Variants in ANK2 observed in about 807,000 individuals in gnomAD.
The protein encoded by ANK2 is ankyrin 2.
In ANK2, 83 loss-of-function variants were observed where a neutral mutation model predicts 360.5. The observed-to-expected ratio is 0.23, with a 90% confidence interval of 0.19 to 0.28. The LOEUF is 0.28. Among genes scored for constraint, ANK2 ranks in the 10% least tolerant of loss-of-function variants. The probability of loss-of-function intolerance (pLI) is 1.00; values close to 1 mark genes in which losing one functional copy is unlikely to be tolerated. For missense variants in ANK2, 4,201 were observed against 4,795.7 expected (o/e 0.88, Z 3.66); for synonymous variants, 1,740 against 1,759.5 (o/e 0.99, Z 0.28).
chr4:112,766,798 A>G, the ANK2 span, among the ~76,000 whole-genome samples: 1 of 152,200 alleles, frequency 6.6e-6, no homozygotes, highest in Non-Finnish European at 1.5e-5. Context: ...TTGGTGGGTC[A>G]GGCTGGATTG....
intron 1 of ANK2, among the ~76,000 whole-genome samples, chr4:112,877,184 C>T (rs2075361203): frequency 6.6e-6 from 1 of 152,192 alleles, no homozygotes; most frequent in South Asian, 2.1e-4. Context: ...TTTCCTCTCC[C>T]TTCTGTATTT....
chr4:113,145,737 G>C lies in ANK2; in HGVS notation c.85-28679G>C, dbSNP rs759604102. The C allele has an allele frequency of 1.5e-5, 17 of 1,167,972 alleles. No homozygotes were observed. The African/African-American group carries it at 2.1e-4, about 14-fold the overall frequency. The allele number at this position is 1,167,972 out of a possible 1,614,324, so 72.4% of individuals were successfully genotyped here. A position where few individuals can be genotyped will look rare whatever the true frequency, so the allele number is the denominator to read the frequency against. On this transcript the variant is annotated intron_variant, in intron 1 of 45. Coordinates refer to ENST00000357077, the MANE Select transcript of ANK2 (RefSeq NM_001148.6). ...CAGATGGGGAGAACTGGTGAGGGGC[G>C]TGGAAGGGAACTGAGCAGAGGAGCC...
chr4:112,953,827 A>G (rs966624524), intron 2 of ANK2, among the ~76,000 whole-genome samples: 2 of 152,170 alleles, frequency 1.3e-5, no homozygotes, highest in Non-Finnish European at 2.9e-5. Context: ...GTGAAAATAA[A>G]CAAACCAGTC....
At chr4:113,255,692 G>C in intron 10 of ANK2, 43 bp from the exon 11 acceptor site, 1 of 1,229,158 alleles carries the variant, frequency 8.1e-7, no homozygotes, top group Non-Finnish European at 1.1e-6. Context: ...TGAAAATAAT[G>C]AAAAAAAAAA....
rs574670587 is a variant in ANK2, at chr4:113,005,780, G to C, written c.21+101266G>C. 1.1e-4 allele frequency among the ~76,000 whole-genome samples: 16 copies of C among 152,274 alleles called. No individual in the cohort carries two copies. The South Asian group carries it at 3.3e-3, about 32-fold the overall frequency. ...TAGTGGGAGGCATTTGGGTCGTGGTGGTGGATCTCTCATGAATGTCTTGGT... is the reference window on the plus strand; with the variant it reads ...TAGTGGGAGGCATTTGGGTCGTGGTCGTGGATCTCTCATGAATGTCTTGGT... On this transcript the variant is annotated intron_variant, in intron 2 of 30. Coordinates refer to the ANK2 transcript ENST00000503271.
intron 23 of ANK2, among the ~76,000 whole-genome samples, chr4:113,304,930 A>G (rs2076518070): frequency 6.6e-6 from 1 of 152,218 alleles, no homozygotes; most frequent in Non-Finnish European, 1.5e-5. Context: ...AATCAGATAA[A>G]TTGAATAGTG....
At chr4:113,177,027 T>A (rs1562641799) in intron 2 of ANK2, among the ~76,000 whole-genome samples, 1 of 152,170 alleles carries the variant, frequency 6.6e-6, no homozygotes, top group Admixed American at 6.5e-5. Context: ...ATCCAGTCTA[T>A]CATTGATGGA....
intron 2 of ANK2, among the ~76,000 whole-genome samples, chr4:112,959,038 C>T (rs192017588): frequency 9.9e-4 from 151 of 151,924 alleles, no homozygotes; most frequent in Middle Eastern, 6.8e-3. Flanking sequence ...TTAGTAGAGG[C>T]GGGGTTTCAC....
the ANK2 span, among the ~76,000 whole-genome samples, chr4:112,732,685 T>A: frequency 3.3e-5 from 5 of 152,324 alleles, no homozygotes; most frequent in East Asian, 9.7e-4. Flanking sequence ...AATTGAGTGT[T>A]GGGACGCACT....
At chr4:112,758,377 C>G in the ANK2 span, among the ~76,000 whole-genome samples, 1 of 151,982 alleles carries the variant, frequency 6.6e-6, no homozygotes, top group African/African-American at 2.4e-5. Flanking sequence ...ATGAGCATAG[C>G]TATTCTCTTA....
At chr4:113,348,346 C>G in intron 36 of ANK2, 38 bp downstream of exon 36, 1 of 1,603,404 alleles carries the variant, frequency 6.2e-7, no homozygotes, top group Non-Finnish European at 8.5e-7. Context: ...TCGGCTGTGT[C>G]ATTGCTGTAA....
At chr4:113,196,992 T>G (rs2153393795) in intron 3 of ANK2, among the ~76,000 whole-genome samples, 1 of 152,338 alleles carries the variant, frequency 6.6e-6, no homozygotes, top group East Asian at 1.9e-4. Context: ...TTTATAAAAT[T>G]TTATCTTTCC....
chr4:112,762,116 T>A, the ANK2 span, among the ~76,000 whole-genome samples: 1 of 152,220 alleles, frequency 6.6e-6, no homozygotes, highest in Non-Finnish European at 1.5e-5. Flanking sequence ...ACATTTTAGA[T>A]GTGACTTTGT....
At chr4:113,336,394 A>G in intron 30 of ANK2, 183 bp from the exon 31 acceptor site, 1 of 640,852 alleles carries the variant, frequency 1.6e-6, no homozygotes, top group Non-Finnish European at 2.6e-6. Flanking sequence ...CGTGGATCTT[A>G]CAAAATTTTA....
At chr4:113,196,184 C>T (rs1442182718) in intron 2 of ANK2, among the ~76,000 whole-genome samples, 184 bp from the exon 3 acceptor site, 1 of 152,130 alleles carries the variant, frequency 6.6e-6, no homozygotes, top group African/African-American at 2.4e-5. Flanking sequence ...CTTATTGCCT[C>T]TCTGAATCAA....
At chr4:113,372,004 A>G (rs1656939673) in intron 43 of ANK2, among the ~76,000 whole-genome samples, 1 of 152,188 alleles carries the variant, frequency 6.6e-6, no homozygotes, top group Non-Finnish European at 1.5e-5. Flanking sequence ...TTCTAATATT[A>G]TTCATAGTCT....
At chr4:113,032,048 A>C (rs749701426) in intron 2 of ANK2, among the ~76,000 whole-genome samples, 5 of 151,998 alleles carry the variant, frequency 3.3e-5, no homozygotes, top group Non-Finnish European at 7.4e-5. Flanking sequence ...AACTTCTCAA[A>C]CCCAAACATC....
chr4:113,301,136 A>T (rs1305283135), intron 22 of ANK2, among the ~76,000 whole-genome samples: 1 of 152,072 alleles, frequency 6.6e-6, no homozygotes, highest in Non-Finnish European at 1.5e-5. Context: ...TGAAGATGTT[A>T]CTCTTATGTC....
chr4:112,970,317 CATGCTCATATAT>C (rs1286318008), intron 2 of ANK2, among the ~76,000 whole-genome samples: 1 of 151,896 alleles, frequency 6.6e-6, no homozygotes, highest in Non-Finnish European at 1.5e-5. Flanking sequence ...CTGTCACATA[CATGCTCATATAT>C]GTAATTTCAT....
Sources: allele counts gnomAD v4.1 joint callset (sites outside exome capture counted in the v4.1 genomes callset), GRCh38; gene constraint gnomAD v4.1.1; transcripts MANE v1.5; gene names NCBI Gene and HGNC (gene_info 2026-07-23, HGNC 2026-07-21).